TMEM106B: variants seen among roughly 807,000 people sequenced by gnomAD.
TMEM106B encodes the protein transmembrane protein 106B.
Under a neutral mutation model 31.1 loss-of-function variants are expected in TMEM106B, and 15 were observed. The observed-to-expected ratio is 0.48, with a 90% CI of 0.32 to 0.74. The LOEUF is 0.74. Among genes scored for constraint, TMEM106B ranks in the 30% least tolerant of loss-of-function variants. The pLI is 0.03. For synonymous variants in TMEM106B, 126 were observed against 112.5 expected (o/e 1.12, Z -0.76); for missense variants, 283 against 327.3 (o/e 0.86, Z 1.04).
chr7:12,223,062 A>T (rs1327271429), intron 3 of TMEM106B, among the ~76,000 whole-genome samples: 1 of 152,188 alleles, frequency 6.6e-6, no homozygotes, highest in Admixed American at 6.6e-5. Flanking sequence ...CATCCAATAG[A>T]GGACTTGTAT....
At chr7:12,213,462 A>G (rs6460900) in intron 1 of TMEM106B, among the ~76,000 whole-genome samples, 76,207 of 152,080 alleles carry the variant, frequency 0.5, 19,966 homozygotes, top group East Asian at 0.64. Flanking sequence ...ACTTGGTGAT[A>G]TACATCAAAT....
At position 12,231,090 on chromosome 7, in the gene TMEM106B, G is replaced by C. The variant is rs1782012059; in HGVS notation, c.661G>C (p.Val221Leu). 6.2e-7 allele frequency: 1 copy of C among 1,601,920 alleles called. No homozygotes were observed. The highest frequency in any genetic ancestry group is 1.3e-5 in the African/African-American group (1 of 74,354). ...TTTCTGTACTCTGATATCCATCAAA[G>C]TGCATAACATAGTACTCATGATGCA... ...YDFCTLISIK[V>L]HNIVLMMQVT... is the part of the protein sequence containing the mutation. The change falls in exon 7 of 8, where the codon GTG becomes CTG. Residue 221 changes from valine (V) to leucine (L), a missense_variant. Physicochemically the swap from Val to Leu is conservative, Grantham distance 32. Coordinates refer to ENST00000396668, the MANE Select transcript of TMEM106B (RefSeq NM_001134232.2).
intron 2 of TMEM106B, among the ~76,000 whole-genome samples, chr7:12,217,893 A>G (rs1274200739): frequency 6.6e-6 from 1 of 152,150 alleles, no homozygotes; most frequent in Admixed American, 6.5e-5. Context: ...AACCCAAGAA[A>G]GAAATCACGG....
Position 12,224,222 on chromosome 7 carries a change from T to C in TMEM106B, c.282-4T>C. On this transcript the variant is annotated splice_region_variant and splice_polypyrimidine_tract_variant and intron_variant, in intron 3 of 7. Coordinates refer to ENST00000396668, the MANE Select transcript of TMEM106B (RefSeq NM_001134232.2). ...GTACTTAAATACCCTCTTTTCCTTTTCAGAAAGCTGTATGTGATGGCTTCT... is the reference window on the plus strand; with the variant it reads ...GTACTTAAATACCCTCTTTTCCTTTCCAGAAAGCTGTATGTGATGGCTTCT... The C allele has an allele frequency of 6.2e-7, 1 of 1,609,794 alleles. No homozygotes were observed. The highest frequency in any genetic ancestry group is 8.5e-7 in the Non-Finnish European group (1 of 1,177,206).
intron 2 of TMEM106B, chr7:12,215,718 A>C (rs1781673966): frequency 4.3e-6 from 1 of 231,572 alleles, no homozygotes; most frequent in Non-Finnish European, 9.9e-6. Context: ...ACGCCTGGCC[A>C]ACCTAATATT....
chr7:12,216,042 C>A (rs1020005), intron 2 of TMEM106B, among the ~76,000 whole-genome samples: 95,301 of 151,642 alleles, frequency 0.63, 30,815 homozygotes, highest in African/African-American at 0.8. Context: ...CTTTGTGTAC[C>A]TTTTTAAGAT....
At position 12,239,698 on chromosome 7, in the gene TMEM106B, G is replaced by A. The variant is rs1782206399; in HGVS notation, c.*7723G>A. The A allele has an allele frequency of 6.6e-6, 1 of 152,082 alleles. No individual in the cohort carries two copies. The highest frequency in any genetic ancestry group is 6.6e-5 in the Admixed American group (1 of 15,260). 9.4% of individuals were successfully genotyped at this position (152,082 alleles called of 1,614,324 possible). A position where few individuals can be genotyped will look rare whatever the true frequency, so the allele number is the denominator to read the frequency against. ...AATGTTATTTTGTCTCAAGGAGAGA[G>A]GGATGTGGGAACAGCTGGTTAGGAG... On this transcript the variant is annotated 3_prime_UTR_variant, in exon 8 of 8. Transcript: ENST00000396668.
chr7:12,222,203 A>G (rs10950391), intron 3 of TMEM106B, among the ~76,000 whole-genome samples: 77,361 of 152,036 alleles, frequency 0.51, 20,763 homozygotes, highest in African/African-American at 0.67. Context: ...GATATACCAC[A>G]CAACTTTCAT....
intron 2 of TMEM106B, among the ~76,000 whole-genome samples, chr7:12,217,179 C>T (rs1554308193): frequency 1.3e-5 from 2 of 152,042 alleles, no homozygotes; most frequent in Non-Finnish European, 1.5e-5. Context: ...TGCACAAGAA[C>T]AAAGAGCTGC....
At chr7:12,231,718 G>T in intron 7 of TMEM106B, 119 bp from the exon 8 acceptor site, 1 of 831,566 alleles carries the variant, frequency 1.2e-6, no homozygotes, top group Non-Finnish European at 1.8e-6. Context: ...ACAATATTAA[G>T]TTATCATTAA....
chr7:12,230,337 T>G, intron 5 of TMEM106B, 52 bp from the exon 6 acceptor site: 1 of 1,253,326 alleles, frequency 8.0e-7, no homozygotes, highest in Non-Finnish European at 1.2e-6. Context: ...ATATCTGAAA[T>G]GTTTGATGTT....
chr7:12,227,347 G>A (rs1267273396), intron 4 of TMEM106B, among the ~76,000 whole-genome samples: 1 of 151,950 alleles, frequency 6.6e-6, no homozygotes, highest in Non-Finnish European at 1.5e-5. Flanking sequence ...AGACATTTGA[G>A]AACTATAATG....
chr7:12,224,019 G>A (rs1229827976), intron 3 of TMEM106B, among the ~76,000 whole-genome samples: 5 of 152,006 alleles, frequency 3.3e-5, no homozygotes, highest in Non-Finnish European at 5.9e-5. Context: ...GCATCCCGCC[G>A]ATTTCATCTT....
Position 12,235,061 on chromosome 7 carries a change from A to G in TMEM106B, c.*3086A>G, listed in dbSNP as rs1049419511. 5 of 152,414 alleles carry G rather than the reference A, an allele frequency of 3.3e-5. No individual in the cohort carries two copies. The highest frequency in any genetic ancestry group is 6.6e-5 in the Admixed American group (1 of 15,230). The allele number at this position is 152,414 out of a possible 1,614,324, so 9.4% of individuals were successfully genotyped here. A position where few individuals can be genotyped will look rare whatever the true frequency, so the allele number is the denominator to read the frequency against. ...TGATTAAAAATGAGAGGAAAGTTCA[A>G]ATAGTTAGTAGTGACAAACTAATAC... is the stretch of plus-strand genomic sequence containing the variant. On this transcript the variant is annotated 3_prime_UTR_variant, in exon 8 of 8. Transcript: ENST00000396668.
chr7:12,215,571 T>C (rs1781670444), intron 2 of TMEM106B: 1 of 316,688 alleles, frequency 3.2e-6, no homozygotes, highest in Non-Finnish European at 6.7e-6. Flanking sequence ...TTCTTTCATG[T>C]TATTTTTAAA....
Position 12,224,359 on chromosome 7 carries a change from A to T in TMEM106B, c.415A>T (p.Lys139Ter), listed in dbSNP as rs1054331541. ...AGCCTATGTCAGTTATGATGTTCAG[A>T]AGCGTACAATTTATTTAAATATCAC... ...KSAYVSYDVQKRTIYLNITNT... is the reference protein window; with the variant it reads ...KSAYVSYDVQ The change falls in exon 4 of 8, where the codon AAG (lysine) becomes TAG (stop). Residue 139 changes from lysine (K) to a stop codon, truncating the protein, a stop_gained. Transcript: ENST00000396668. LOFTEE classifies it high-confidence loss of function. 9 of 1,611,612 alleles carry T rather than the reference A, an allele frequency of 5.6e-6. No individual in the cohort carries two copies. Among genetic ancestry groups the T allele is most frequent in the Non-Finnish European group, 7.6e-6 (9 of 1,178,028 alleles).
chr7:12,225,379 T>C (rs961030522), intron 4 of TMEM106B, among the ~76,000 whole-genome samples: 1 of 152,238 alleles, frequency 6.6e-6, no homozygotes, highest in East Asian at 1.9e-4. Flanking sequence ...TTTGGGTATA[T>C]ACCCAGTAAT....
chr7:12,214,674 A>G (rs1326480606), intron 1 of TMEM106B, 135 bp from the exon 2 acceptor site: 1 of 833,010 alleles, frequency 1.2e-6, no homozygotes, highest in Non-Finnish European at 1.8e-6. Context: ...TTGGCTCCGA[A>G]TAAATCCCTT....
chr7:12,226,748 C>T (rs1224024848), intron 4 of TMEM106B, among the ~76,000 whole-genome samples: 4 of 151,924 alleles, frequency 2.6e-5, no homozygotes. Context: ...TCAAAAGTTG[C>T]CGGTTTAAGG....
Sources: gnomAD v4.1 joint callset for allele counts (sites outside exome capture counted in the v4.1 genomes callset) on GRCh38, gnomAD v4.1.1 for gene constraint, MANE v1.5 for transcripts, NCBI Gene and HGNC (gene_info 2026-07-23, HGNC 2026-07-21) for gene names.